MGLL: variants seen among roughly 807,000 people sequenced by gnomAD.
The protein encoded by MGLL is lysophospholipase homolog.
A neutral mutation model predicts 29.1 loss-of-function variants in MGLL; 7 were observed. The observed-to-expected ratio is 0.24, with a 90% CI of 0.14 to 0.45. The LOEUF (loss-of-function observed/expected upper bound fraction) is 0.45. Ranked by LOEUF, MGLL falls within the 20% of genes least tolerant of loss-of-function variation. MGLL has a pLI of 0.99. For missense variants in MGLL, 356 were observed against 413.6 expected (o/e 0.86, Z 1.21); for synonymous variants, 148 against 168.3 (o/e 0.88, Z 0.93).
rs1161398224 is a variant in MGLL at position 127,794,040 on chromosome 3, T to G, written c.156-12145A>C. 2.6e-5 allele frequency among the ~76,000 whole-genome samples: 4 copies of G among 152,182 alleles called. No individual in the cohort carries two copies. The South Asian group carries it at 8.3e-4, about 31-fold the overall frequency. Reference sequence around the variant, plus strand: ...AAGGCTGTCTTCTGGCCAGGTTTGATGGGTTATGCCTGTAATCCCAGCCCT... The same window carrying G: ...AAGGCTGTCTTCTGGCCAGGTTTGAGGGGTTATGCCTGTAATCCCAGCCCT... On this transcript the variant is annotated intron_variant, in intron 2 of 7. Transcript: ENST00000265052.
At chr3:127,766,441 G>T (rs1408446580) in intron 3 of MGLL, among the ~76,000 whole-genome samples, 2 of 152,160 alleles carry the variant, frequency 1.3e-5, no homozygotes, top group African/African-American at 2.4e-5. Context: ...TACTCGTAGT[G>T]CCCCTGGCTC....
chr3:127,781,984 G>T, intron 2 of MGLL, 89 bp from the exon 3 acceptor site: 2 of 1,228,742 alleles, frequency 1.6e-6, no homozygotes, highest in Non-Finnish European at 2.4e-6. Flanking sequence ...ACTTTGGGAG[G>T]CCGGGGCGGG....
At chr3:127,804,223 G>T (rs184771881) in intron 2 of MGLL, among the ~76,000 whole-genome samples, 1 of 152,262 alleles carries the variant, frequency 6.6e-6, no homozygotes, top group Non-Finnish European at 1.5e-5. Context: ...TGGCTAGTTA[G>T]GAGGTAACAT....
intron 6 of MGLL, among the ~76,000 whole-genome samples, chr3:127,698,640 T>C (rs2075419427): frequency 6.6e-6 from 1 of 152,172 alleles, no homozygotes; most frequent in Non-Finnish European, 1.5e-5. Context: ...TGAGGGGTCC[T>C]TGTGGGGATG....
chr3:127,746,655 T>C (rs488015), intron 3 of MGLL, among the ~76,000 whole-genome samples: 138,336 of 152,134 alleles, frequency 0.91, 63,113 homozygotes, highest in African/African-American at 0.98. Context: ...GAACTGCAGG[T>C]TCACATTCCA....
intron 3 of MGLL, 118 bp downstream of exon 3, chr3:127,781,671 G>GA: frequency 1.0e-6 from 1 of 979,396 alleles, no homozygotes; most frequent in Non-Finnish European, 1.6e-6. Context: ...TTTTTACTTT[G>GA]AAACATCCGT....
chr3:127,741,140 C>T (rs148962197), intron 3 of MGLL, among the ~76,000 whole-genome samples: 169 of 152,378 alleles, frequency 1.1e-3, no homozygotes, highest in East Asian at 0.01. Context: ...AACTAGGTCT[C>T]TGTTTCCTCT....
rs374228622 is a variant in MGLL at position 127,707,562 on chromosome 3, G to A, written c.600+3014C>T. Reference sequence around the variant, plus strand: ...CAACTTCTTTGTTCCCTGGGTTTGAGTGCCAAGGGCACTTGGCCCGGAGTA... The same window carrying A: ...CAACTTCTTTGTTCCCTGGGTTTGAATGCCAAGGGCACTTGGCCCGGAGTA... On this transcript the variant is annotated intron_variant, in intron 6 of 7. Transcript: ENST00000265052. 5.3e-5 allele frequency among the ~76,000 whole-genome samples: 8 copies of A among 152,344 alleles called. No homozygotes were observed. The East Asian group carries it at 7.7e-4, about 15-fold the overall frequency.
At chr3:127,710,861 C>A in intron 5 of MGLL, 196 bp from the exon 6 acceptor site, 1 of 627,310 alleles carries the variant, frequency 1.6e-6, no homozygotes. Flanking sequence ...TTCAGCCTGG[C>A]TCTGCTCCAC....
At chr3:127,764,365 C>G (rs1242569203) in intron 3 of MGLL, among the ~76,000 whole-genome samples, 2 of 152,162 alleles carry the variant, frequency 1.3e-5, no homozygotes, top group Non-Finnish European at 2.9e-5. Flanking sequence ...CCTCTCAGCA[C>G]CTTGTGACTT....
chr3:127,715,252 G>T (rs1339935084), intron 5 of MGLL, among the ~76,000 whole-genome samples: 1 of 152,182 alleles, frequency 6.6e-6, no homozygotes, highest in Non-Finnish European at 1.5e-5. Context: ...GCACTGGCTA[G>T]GATGGAGGTG....
At chr3:127,813,226 G>C (rs2077695880) in intron 2 of MGLL, among the ~76,000 whole-genome samples, 2 of 151,874 alleles carry the variant, frequency 1.3e-5, no homozygotes, top group Admixed American at 1.3e-4. Context: ...CCTCATAAGA[G>C]TCTGCCACTT....
chr3:127,738,981 T>G (rs879037635), intron 3 of MGLL, among the ~76,000 whole-genome samples: 1 of 152,162 alleles, frequency 6.6e-6, no homozygotes, highest in African/African-American at 2.4e-5. Flanking sequence ...ATCGCAGAAA[T>G]TTCTAGTAGG....
intron 3 of MGLL, among the ~76,000 whole-genome samples, chr3:127,729,329 T>C (rs548739132): frequency 2.6e-5 from 4 of 152,354 alleles, no homozygotes; most frequent in African/African-American, 9.6e-5. Context: ...ATGTACAGTT[T>C]AGTGGTATTA....
intron 6 of MGLL, among the ~76,000 whole-genome samples, chr3:127,708,452 C>G (rs1464466410): frequency 2.0e-5 from 3 of 152,156 alleles, no homozygotes; most frequent in Non-Finnish European, 4.4e-5. Flanking sequence ...GGAGGGGAGC[C>G]CCACCAGGTG....
intron 5 of MGLL, among the ~76,000 whole-genome samples, chr3:127,719,727 T>C (rs765662907): frequency 6.6e-6 from 1 of 152,176 alleles, no homozygotes; most frequent in Non-Finnish European, 1.5e-5. Flanking sequence ...CATCCGGGCA[T>C]TGTGATGCTA....
At chr3:127,705,962 T>C (rs2075594647) in intron 6 of MGLL, among the ~76,000 whole-genome samples, 1 of 152,152 alleles carries the variant, frequency 6.6e-6, no homozygotes, top group Non-Finnish European at 1.5e-5. Context: ...TTGGCGAGGA[T>C]GTAGGGACAC....
intron 3 of MGLL, among the ~76,000 whole-genome samples, chr3:127,728,306 T>TATCC (rs35156008): frequency 0.048 from 7,304 of 152,080 alleles, 225 homozygotes; most frequent in Middle Eastern, 0.082. Context: ...ACTACCTGTT[T>TATCC]ATCCATCCAT....
At chr3:127,778,099 A>G (rs2077065378) in intron 3 of MGLL, among the ~76,000 whole-genome samples, 1 of 152,244 alleles carries the variant, frequency 6.6e-6, no homozygotes, top group African/African-American at 2.4e-5. Flanking sequence ...CTGTCTGAAC[A>G]GTGAAATACT....
Sources: allele counts gnomAD v4.1 joint callset (sites outside exome capture counted in the v4.1 genomes callset), GRCh38; gene constraint gnomAD v4.1.1; transcripts MANE v1.5; gene names NCBI Gene and HGNC (gene_info 2026-07-23, HGNC 2026-07-21).